The following ZKSCAN4 variants were observed in gnomAD, a reference collection of about 807,000 sequenced individuals.
The protein encoded by ZKSCAN4 is zinc finger with KRAB and SCAN domains 4.
In ZKSCAN4, 23 loss-of-function variants were observed where a neutral mutation model predicts 30.8. The ratio of observed to expected loss-of-function variants is 0.75; its 90% CI spans 0.54 to 1.06. The LOEUF (loss-of-function observed/expected upper bound fraction) is 1.06. Ranked by LOEUF, ZKSCAN4 falls within the 50% of genes least tolerant of loss-of-function variation. The pLI is 0.00. For missense variants in ZKSCAN4, 556 were observed against 665.4 expected (o/e 0.84, Z 1.81); for synonymous variants, 208 against 252.5 (o/e 0.82, Z 1.67).
Position 28,245,122 on chromosome 6 carries a change from TGAA to T in ZKSCAN4, c.1629_1631del (p.Ser544del), listed in dbSNP as rs557406499. Reference sequence around the variant, plus strand: ...TTGGCATGAATACCATGGGTCACTGTGAAAGAGTTTTTTTCCCTACATGGCTTC... The same window carrying T: ...TTGGCATGAATACCATGGGTCACTGTAGAGTTTTTTTCCCTACATGGCTTC... On this transcript the variant is annotated inframe_deletion, in exon 5 of 5. Coordinates refer to ENST00000377294, the MANE Select transcript of ZKSCAN4 (RefSeq NM_019110.5). 6.5e-4 allele frequency: 1,051 copies of T among 1,614,022 alleles called. 8 individuals are homozygous for T. Among genetic ancestry groups the T allele is most frequent in the South Asian group, 4.5e-3 (411 of 91,056 alleles).
In ZKSCAN4 at chr6:28,245,993, C is replaced by T. The variant is rs762109452; in HGVS notation, c.779-18G>A. 6.1e-5 allele frequency: 98 copies of T among 1,613,966 alleles called. No homozygotes were observed. The East Asian group carries it at 1.8e-3, about 30-fold the overall frequency. On this transcript the variant is annotated intron_variant, in intron 4 of 4. Coordinates refer to ENST00000377294, the MANE Select transcript of ZKSCAN4 (RefSeq NM_019110.5). Reference sequence around the variant, plus strand: ...TTCACCACCTGAAACAACAAATGGCCGGCAACTGTGGGTTATGCCCTGCCA... The same window carrying T: ...TTCACCACCTGAAACAACAAATGGCTGGCAACTGTGGGTTATGCCCTGCCA...
chr6:28,250,941 T>G (rs1760966775), intron 1 of ZKSCAN4, among the ~76,000 whole-genome samples: 1 of 152,142 alleles, frequency 6.6e-6, no homozygotes, highest in Non-Finnish European at 1.5e-5. Context: ...GAGGAAACAG[T>G]CCCTCATAAA....
intron 2 of ZKSCAN4, among the ~76,000 whole-genome samples, chr6:28,248,839 A>G (rs112688333): frequency 0.044 from 5,562 of 127,816 alleles, 269 homozygotes; most frequent in African/African-American, 0.14. Context: ...AAAAAAAAAA[A>G]AAAAAGAAAA....
At position 28,245,740 on chromosome 6, in the gene ZKSCAN4, G is replaced by A; in HGVS notation, c.1014C>T (p.His338=). 1 of 1,614,264 alleles carries A rather than the reference G, an allele frequency of 6.2e-7. No individual in the cohort carries two copies. Among genetic ancestry groups the A allele is most frequent in the Non-Finnish European group, 8.5e-7 (1 of 1,180,048 alleles). Residue 338 remains histidine (H), a synonymous_variant, in exon 5 of 5, where the codon CAC becomes CAT. Coordinates refer to ENST00000377294, the MANE Select transcript of ZKSCAN4 (RefSeq NM_019110.5). ...SFAQSSGLTK[H]RRIHTGEKPY... Reference sequence around the variant, plus strand: ...GTTTCTCACCAGTGTGGATTCTCCTGTGTTTAGTCAGGCCTGAACTTTGAG... The same window carrying A: ...GTTTCTCACCAGTGTGGATTCTCCTATGTTTAGTCAGGCCTGAACTTTGAG...
rs1371878582 is a variant in ZKSCAN4, at chr6:28,241,821, T to C, written c.*3295A>G. ...CAGTTAGCAACATTTTCAGAGTTTT[T>C]ACTTAGCACTTCTTATTTGTATAAG... On this transcript the variant is annotated 3_prime_UTR_variant, in exon 5 of 5. Coordinates refer to ENST00000377294, the MANE Select transcript of ZKSCAN4 (RefSeq NM_019110.5). Among the ~76,000 whole-genome samples the C allele has an allele frequency of 1.3e-5, 2 of 152,188 alleles. No individual in the cohort carries two copies. The highest frequency in any genetic ancestry group is 6.5e-5 in the Admixed American group (1 of 15,272).
At position 28,251,293 on chromosome 6, in the gene ZKSCAN4, A is replaced by T. The variant is rs951282944; in HGVS notation, c.423+265T>A. ...ATTTAGTGCAGTAATAAAAATCCAC[A>T]TATATGACTTTAATACAAATTTAAT... is the stretch of plus-strand genomic sequence containing the variant. On this transcript the variant is annotated intron_variant, in intron 1 of 4. Transcript: ENST00000377294. The surrounding 1 kb of genome is among the most constrained non-coding windows in gnomAD (Gnocchi z 4.5). 45 of 521,486 alleles carry T rather than the reference A, an allele frequency of 8.6e-5. No homozygotes were observed. The highest frequency in any genetic ancestry group is 1.4e-4 in the Non-Finnish European group (43 of 300,402). The allele number at this position is 521,486 out of a possible 1,614,324, so 32.3% of individuals were successfully genotyped here. A position where few individuals can be genotyped will look rare whatever the true frequency, so the allele number is the denominator to read the frequency against.
chr6:28,247,365 A>G (rs1297715749), intron 3 of ZKSCAN4, among the ~76,000 whole-genome samples: 1 of 152,256 alleles, frequency 6.6e-6, no homozygotes, highest in Non-Finnish European at 1.5e-5. Context: ...AGCAAAAGGA[A>G]TGGAACTATG....
chr6:28,250,312 G>A lies in ZKSCAN4; in HGVS notation c.424-478C>T, dbSNP rs548898233. ...TCGAACTCCCGACCTCAGGTGATCC[G>A]CCCACCTCAGCCTCCCAAAGTGCTG... On this transcript the variant is annotated intron_variant, in intron 1 of 4. Coordinates refer to ENST00000377294, the MANE Select transcript of ZKSCAN4 (RefSeq NM_019110.5). 2.6e-5 allele frequency among the ~76,000 whole-genome samples: 4 copies of A among 152,104 alleles called. No individual in the cohort carries two copies. The South Asian group carries it at 6.2e-4, about 24-fold the overall frequency.
In ZKSCAN4 at chr6:28,244,557, C is replaced by A; in HGVS notation, c.*559G>T. 5.9e-6 allele frequency: 1 copy of A among 168,416 alleles called. No individual in the cohort carries two copies. Among genetic ancestry groups the A allele is most frequent in the East Asian group, 1.7e-4 (1 of 6,022 alleles). 10.4% of individuals were successfully genotyped at this position (168,416 alleles called of 1,614,324 possible). A position where few individuals can be genotyped will look rare whatever the true frequency, so the allele number is the denominator to read the frequency against. ...ACTAGATTGGCCCAGAATCTAGAAC[C>A]TCAGAGAATAATACATAAATTCAAA... On this transcript the variant is annotated 3_prime_UTR_variant, in exon 5 of 5. Coordinates refer to ENST00000377294, the MANE Select transcript of ZKSCAN4 (RefSeq NM_019110.5).
At chr6:28,246,647 GC>G (rs151173103) in intron 4 of ZKSCAN4, among the ~76,000 whole-genome samples, 30 of 151,428 alleles carry the variant, frequency 2.0e-4, no homozygotes, top group Middle Eastern at 3.4e-3. Flanking sequence ...TCCTGAAGAG[GC>G]CCCCCCCTCC....
At chr6:28,247,600 TA>T (rs1760793132) in intron 3 of ZKSCAN4, among the ~76,000 whole-genome samples, 1 of 152,238 alleles carries the variant, frequency 6.6e-6, no homozygotes, top group Admixed American at 6.5e-5. Context: ...CATATTGTAA[TA>T]TAAATAACTT....
In ZKSCAN4 at chr6:28,243,319, T is replaced by C. The variant is rs1272834031; in HGVS notation, c.*1797A>G. Among the ~76,000 whole-genome samples, 3 of 152,184 alleles carry C rather than the reference T, an allele frequency of 2.0e-5. No individual in the cohort carries two copies. In the East Asian group the frequency reaches 5.8e-4, roughly 29 times the overall value. ...TAAGTCTCTGGTCAGCCTGTGGTATTTCAGAGGAGAAATCCAGAAAGGGTA... is the reference window on the plus strand; with the variant it reads ...TAAGTCTCTGGTCAGCCTGTGGTATCTCAGAGGAGAAATCCAGAAAGGGTA... On this transcript the variant is annotated 3_prime_UTR_variant, in exon 5 of 5. Coordinates refer to ENST00000377294, the MANE Select transcript of ZKSCAN4 (RefSeq NM_019110.5).
chr6:28,246,022 G>A (rs762982665), intron 4 of ZKSCAN4, 47 bp from the exon 5 acceptor site: 2 of 1,613,714 alleles, frequency 1.2e-6, no homozygotes, highest in Non-Finnish European at 8.5e-7. Flanking sequence ...CCTGCCATGG[G>A]AGGAAAGCTC....
upstream of ZKSCAN4, among the ~76,000 whole-genome samples, chr6:28,256,582 G>A (rs963483640): frequency 2.0e-5 from 3 of 152,178 alleles, no homozygotes; most frequent in Admixed American, 1.3e-4. Flanking sequence ...TAATTAAAAT[G>A]TATTGTTATT....
At position 28,245,980 on chromosome 6, in the gene ZKSCAN4, A is replaced by C. The variant is rs946855835; in HGVS notation, c.779-5T>G. On this transcript the variant is annotated splice_polypyrimidine_tract_variant and splice_region_variant and intron_variant, in intron 4 of 4. Coordinates refer to ENST00000377294, the MANE Select transcript of ZKSCAN4 (RefSeq NM_019110.5). ...TCTTAGTCTGTATTTCACCACCTGA[A>C]ACAACAAATGGCCGGCAACTGTGGG... is the stretch of plus-strand genomic sequence containing the variant. 1.2e-6 allele frequency: 2 copies of C among 1,614,066 alleles called. No individual in the cohort carries two copies. Among genetic ancestry groups the C allele is most frequent in the African/African-American group, 2.7e-5 (2 of 74,916 alleles).
Position 28,245,169 on chromosome 6 carries a change from A to G in ZKSCAN4, c.1585T>C (p.Tyr529His). The change falls in exon 5 of 5, where the codon TAC becomes CAC. Residue 529 changes from tyrosine (Y) to histidine (H), a missense_variant. By Grantham distance (83) the Tyr-to-His change is moderately conservative. This residue lies in a region of ZKSCAN4 where 433 missense variants were observed against 511.5 expected (regional missense o/e 0.85). Coordinates refer to ENST00000377294, the MANE Select transcript of ZKSCAN4 (RefSeq NM_019110.5). ...TCGKGFTRTS[Y>H]LVQHQRSHVG... is the part of the protein sequence containing the mutation. ...TGGCTTCTCTGATGTTGAACAAGGT[A>G]TGAAGTTCGAGTGAAACCTTTTCCA... 1 of 1,614,098 alleles carries G rather than the reference A, an allele frequency of 6.2e-7. No homozygotes were observed. Among genetic ancestry groups the G allele is most frequent in the Non-Finnish European group, 8.5e-7 (1 of 1,180,016 alleles).
Position 28,251,180 on chromosome 6 carries a change from C to A in ZKSCAN4, c.423+378G>T, listed in dbSNP as rs1760976603. On this transcript the variant is annotated intron_variant, in intron 1 of 4. Coordinates refer to ENST00000377294, the MANE Select transcript of ZKSCAN4 (RefSeq NM_019110.5). The surrounding 1 kb of genome is among the most constrained non-coding windows in gnomAD (Gnocchi z 4.5). ...GACTTTGTCACCAACAAAACCTGCA[C>A]GTTTTCACACCACATTACAACCAGG... Among the ~76,000 whole-genome samples, 1 of 152,156 alleles carries A rather than the reference C, an allele frequency of 6.6e-6. No individual in the cohort carries two copies. Among genetic ancestry groups the A allele is most frequent in the Admixed American group, 6.5e-5 (1 of 15,278 alleles).
At position 28,251,753 on chromosome 6, in the gene ZKSCAN4, T is replaced by C. The variant is rs747093868; in HGVS notation, c.228A>G (p.Glu76=). 2.5e-6 allele frequency: 4 copies of C among 1,614,126 alleles called. No homozygotes were observed. The highest frequency in any genetic ancestry group is 3.4e-6 in the Non-Finnish European group (4 of 1,179,996). The stretch of plus-strand genomic sequence containing the variant: ...CAGGCTGCAGCCATTGTCCGCAGAG[T>C]TCTCGGAGCCGGCTCAACGCCTCGC... ...GPREALSRLR[E]LCGQWLQPEM... is the part of the protein sequence containing the mutation. Residue 76 remains glutamate (E), a synonymous_variant, in exon 1 of 5, where the codon GAA becomes GAG. Coordinates refer to ENST00000377294, the MANE Select transcript of ZKSCAN4 (RefSeq NM_019110.5). This position sits in a 1 kb window ranked among gnomAD's most constrained non-coding sequence, Gnocchi z 4.5.
chr6:28,252,100 A>C lies in ZKSCAN4; in HGVS notation c.-120T>G. On this transcript the variant is annotated 5_prime_UTR_variant, in exon 1 of 5. Coordinates refer to ENST00000377294, the MANE Select transcript of ZKSCAN4 (RefSeq NM_019110.5). ...AAGTGGTCCCCCTCCTGTCATGCCC[A>C]GGGGCCCAGGACACCCCCTGAGGCG... 1 of 1,134,336 alleles carries C rather than the reference A, an allele frequency of 8.8e-7. No individual in the cohort carries two copies. The highest frequency in any genetic ancestry group is 1.7e-5 in the South Asian group (1 of 58,224). The allele number at this position is 1,134,336 out of a possible 1,614,324, so 70.3% of individuals were successfully genotyped here. A position where few individuals can be genotyped will look rare whatever the true frequency, so the allele number is the denominator to read the frequency against.
Sources: gnomAD v4.1 joint callset for allele counts (sites outside exome capture counted in the v4.1 genomes callset) on GRCh38, gnomAD v4.1.1 for gene constraint, gnomAD v4.1.1 regional missense constraint, Gnocchi (gnomAD v3.1) non-coding constraint, MANE v1.5 for transcripts, NCBI Gene and HGNC (gene_info 2026-07-23, HGNC 2026-07-21) for gene names.